UGT1A6: variants seen among roughly 807,000 people sequenced by gnomAD.
The protein encoded by UGT1A6 is UDP-glucuronosyltransferase 1A6.
In UGT1A6, 32 loss-of-function variants were observed where a neutral mutation model predicts 44.4. The observed-to-expected ratio is 0.72, with a 90% confidence interval of 0.54 to 0.97. UGT1A6 has a LOEUF of 0.97. UGT1A6 is among the 50% of genes least tolerant of loss of function. UGT1A6 has a pLI of 0.00. For missense variants in UGT1A6, 685 were observed against 661.9 expected (o/e 1.03, Z -0.38); for synonymous variants, 238 against 248.5 (o/e 0.96, Z 0.40).
At chr2:233,724,343 C>A (rs2077229660) in intron 1 of UGT1A6, among the ~76,000 whole-genome samples, 1 of 142,888 alleles carries the variant, frequency 7.0e-6, no homozygotes, top group Admixed American at 6.9e-5. Context: ...GGGGCTGACC[C>A]CCCCCACCTC....
At chr2:233,701,701 C>T (rs1051728567) in intron 1 of UGT1A6, among the ~76,000 whole-genome samples, 4 of 152,128 alleles carry the variant, frequency 2.6e-5, no homozygotes, top group African/African-American at 7.2e-5. Flanking sequence ...CACTCAAAAC[C>T]GCTCAACTAC....
At chr2:233,737,494 C>T (rs1180844627) in intron 1 of UGT1A6, among the ~76,000 whole-genome samples, 1 of 152,208 alleles carries the variant, frequency 6.6e-6, no homozygotes, top group South Asian at 2.1e-4. Context: ...AGGGAAATCC[C>T]TCACCCTCTT....
At chr2:233,714,498 TA>T (rs1254150300) in intron 1 of UGT1A6, among the ~76,000 whole-genome samples, 1 of 152,156 alleles carries the variant, frequency 6.6e-6, no homozygotes, top group Non-Finnish European at 1.5e-5. Flanking sequence ...AGACACTACT[TA>T]AAAAAAATTC....
intron 1 of UGT1A6, among the ~76,000 whole-genome samples, chr2:233,733,511 G>A (rs181008705): frequency 9.2e-5 from 14 of 152,226 alleles, no homozygotes; most frequent in Admixed American, 6.5e-4. Context: ...CCAGTTTTAG[G>A]CATGAAGGGA....
chr2:233,764,212 A>G (rs903605972), intron 1 of UGT1A6, among the ~76,000 whole-genome samples: 1 of 152,176 alleles, frequency 6.6e-6, no homozygotes, highest in Non-Finnish European at 1.5e-5. Context: ...TTTTCTTTGA[A>G]GGGAATCAAT....
intron 1 of UGT1A6, chr2:233,713,853 T>C: frequency 6.2e-7 from 1 of 1,613,998 alleles, no homozygotes. Context: ...GAAGCCACTA[T>C]CTCAGGTCTG....
chr2:233,760,050 C>T (rs995974685), intron 1 of UGT1A6, among the ~76,000 whole-genome samples: 2 of 152,142 alleles, frequency 1.3e-5, no homozygotes, highest in Admixed American at 6.5e-5. Context: ...TGTGTTCACT[C>T]AAGAATGTGA....
intron 1 of UGT1A6, among the ~76,000 whole-genome samples, chr2:233,736,892 T>C (rs905438192): frequency 2.6e-5 from 4 of 152,220 alleles, no homozygotes; most frequent in Non-Finnish European, 5.9e-5. Flanking sequence ...TATTGCTGCC[T>C]GATCCTTCCT....
chr2:233,718,386 A>T (rs1466849872), intron 1 of UGT1A6, among the ~76,000 whole-genome samples: 1 of 152,240 alleles, frequency 6.6e-6, no homozygotes, highest in East Asian at 1.9e-4. Context: ...AAGAGTTTCA[A>T]GGGTTAGCAA....
At chr2:233,770,549 T>C (rs1220272101) in intron 4 of UGT1A6, 7 of 151,978 alleles carry the variant, frequency 4.6e-5, no homozygotes, top group Non-Finnish European at 8.8e-5. Flanking sequence ...TCCCAGCTAT[T>C]TGGGAGGCTG....
chr2:233,720,322 A>G (rs1355455978), intron 1 of UGT1A6, among the ~76,000 whole-genome samples: 2 of 152,124 alleles, frequency 1.3e-5, no homozygotes, highest in African/African-American at 4.8e-5. Context: ...ATGTGGGGAC[A>G]TCGTAGAGTT....
chr2:233,729,440 A>G (rs2077859052), intron 1 of UGT1A6: 2 of 1,613,960 alleles, frequency 1.2e-6, no homozygotes, highest in Non-Finnish European at 1.7e-6. Context: ...GAAACAGAAC[A>G]TTTTCTGAAG....
intron 1 of UGT1A6, among the ~76,000 whole-genome samples, chr2:233,764,715 A>C (rs1025640523): frequency 2.0e-5 from 3 of 152,182 alleles, no homozygotes; most frequent in African/African-American, 7.2e-5. Context: ...TGTCTCCCCA[A>C]GAAAGAGGGA....
intron 1 of UGT1A6, chr2:233,747,256 G>C: frequency 6.2e-7 from 1 of 1,600,772 alleles, no homozygotes; most frequent in Non-Finnish European, 8.5e-7. Flanking sequence ...GCTGGCCACA[G>C]GAGTGCTACT....
chr2:233,732,326 T>G (rs2078260709), intron 1 of UGT1A6, among the ~76,000 whole-genome samples: 1 of 152,270 alleles, frequency 6.6e-6, no homozygotes, highest in African/African-American at 2.4e-5. Flanking sequence ...TGGCTTTTGT[T>G]GCCATTGCTT....
intron 1 of UGT1A6, among the ~76,000 whole-genome samples, chr2:233,704,865 G>A (rs1559353714): frequency 1.3e-5 from 2 of 152,168 alleles, no homozygotes; most frequent in South Asian, 4.1e-4. Flanking sequence ...CGGGCACGGT[G>A]GCTCACTCCT....
chr2:233,728,960 A>T, intron 1 of UGT1A6: 1 of 1,448,658 alleles, frequency 6.9e-7, no homozygotes, highest in Non-Finnish European at 9.2e-7. Context: ...CACAGTGAAA[A>T]ACAGTGATAG....
intron 1 of UGT1A6, chr2:233,743,548 C>T (rs61744897): frequency 1.5e-6 from 2 of 1,367,296 alleles, no homozygotes; most frequent in Non-Finnish European, 2.0e-6. Flanking sequence ...CTGACCCCCC[C>T]AAAATATTCT....
At chr2:233,694,733 T>C (rs1314036348) in intron 1 of UGT1A6, among the ~76,000 whole-genome samples, 1 of 152,174 alleles carries the variant, frequency 6.6e-6, no homozygotes, top group South Asian at 2.1e-4. Context: ...TGTTAACAAT[T>C]TGAACAGTTG....
Sources: allele counts gnomAD v4.1 joint callset (sites outside exome capture counted in the v4.1 genomes callset), GRCh38; gene constraint gnomAD v4.1.1; transcripts MANE v1.5; gene names NCBI Gene and HGNC (gene_info 2026-07-23, HGNC 2026-07-21).